IFTAP: variants seen among roughly 807,000 people sequenced by gnomAD.
IFTAP encodes intraflagellar transport associated protein.
A neutral mutation model predicts 19.4 loss-of-function variants in IFTAP; 19 were observed. The observed-to-expected ratio is 0.98, with a 90% CI of 0.68 to 1.44. The LOEUF is 1.44. Among genes scored for constraint, IFTAP ranks in the 40% most tolerant of loss-of-function variants. IFTAP has a pLI of 0.00. For synonymous variants in IFTAP, 85 were observed against 83.5 expected (o/e 1.02, Z -0.10); for missense variants, 240 against 253.6 (o/e 0.95, Z 0.36).
chr11:36,617,035 C>T (rs1852117159), intron 2 of IFTAP, among the ~76,000 whole-genome samples: 1 of 150,990 alleles, frequency 6.6e-6, no homozygotes, highest in Admixed American at 6.6e-5. Flanking sequence ...ATGCCATAAG[C>T]ATAAAACATA....
intron 5 of IFTAP, among the ~76,000 whole-genome samples, chr11:36,657,940 C>CT (rs1288122751): frequency 6.6e-6 from 1 of 152,186 alleles, no homozygotes; most frequent in Non-Finnish European, 1.5e-5. Flanking sequence ...TGATAAATGG[C>CT]TGAGCGTTTG....
At chr11:36,628,463 A>C (rs1223435487) in intron 2 of IFTAP, among the ~76,000 whole-genome samples, 1 of 151,124 alleles carries the variant, frequency 6.6e-6, no homozygotes, top group Non-Finnish European at 1.5e-5. Context: ...TTGTGTTTCT[A>C]TCTCTCTTAT....
chr11:36,600,827 G>A (rs769929647), intron 1 of IFTAP, among the ~76,000 whole-genome samples: 2 of 152,044 alleles, frequency 1.3e-5, no homozygotes, highest in Non-Finnish European at 2.9e-5. Context: ...ACTTAGTAAT[G>A]GGATATCCTG....
chr11:36,637,023 T>C (rs869207), intron 4 of IFTAP, among the ~76,000 whole-genome samples: 14,491 of 150,762 alleles, frequency 0.096, 844 homozygotes, highest in African/African-American at 0.15. Context: ...TCCACGGAGG[T>C]TTGGTTGTTG....
intron 5 of IFTAP, chr11:36,648,433 G>A (rs1400282787): frequency 1.2e-5 from 3 of 260,450 alleles, no homozygotes; most frequent in African/African-American, 2.2e-5. Context: ...TAGAAAGGAC[G>A]GACAGTTTTC....
chr11:36,658,221 A>G (rs1211823443), intron 5 of IFTAP, among the ~76,000 whole-genome samples: 1 of 152,206 alleles, frequency 6.6e-6, no homozygotes, highest in Non-Finnish European at 1.5e-5. Context: ...GGAGCTACAT[A>G]GAAGTACTGG....
At chr11:36,602,093 A>G (rs570996014) in intron 1 of IFTAP, among the ~76,000 whole-genome samples, 5 of 152,354 alleles carry the variant, frequency 3.3e-5, no homozygotes, top group East Asian at 3.9e-4. Context: ...CTGGGGAAGC[A>G]TTGTATTACC....
rs2133460445 is a variant in IFTAP, at chr11:36,634,952, AC to A, written c.292-1097del. On this transcript the variant is annotated intron_variant, in intron 3 of 5. Coordinates refer to ENST00000334307, the MANE Select transcript of IFTAP (RefSeq NM_138787.4). ...ATGACTCCAGTCCCCATTAGCATAC[AC>A]CACTAAGTAAATAACAATATAATAT... is the stretch of plus-strand genomic sequence containing the variant. Among the ~76,000 whole-genome samples, 2 of 151,622 alleles carry A rather than the reference AC, an allele frequency of 1.3e-5. 1 individual carries two copies. Among genetic ancestry groups the A allele is most frequent in the African/African-American group, 4.9e-5 (2 of 40,992 alleles).
At chr11:36,654,000 T>C (rs543708619) in intron 5 of IFTAP, among the ~76,000 whole-genome samples, 1 of 152,232 alleles carries the variant, frequency 6.6e-6, no homozygotes, top group African/African-American at 2.4e-5. Context: ...TTCCTATCCT[T>C]AACAAAATGA....
chr11:36,653,495 A>G (rs889644103), intron 5 of IFTAP, among the ~76,000 whole-genome samples: 14 of 152,204 alleles, frequency 9.2e-5, no homozygotes, highest in African/African-American at 3.1e-4. Context: ...GAAATAAATC[A>G]TAATTTCAGT....
At chr11:36,639,273 ACTT>A (rs1853096710) in intron 4 of IFTAP, among the ~76,000 whole-genome samples, 1 of 146,800 alleles carries the variant, frequency 6.8e-6, no homozygotes, top group Non-Finnish European at 1.5e-5. Context: ...TTTTTAATCT[ACTT>A]CTGAGATTCA....
chr11:36,604,935 A>G (rs1194402525), intron 1 of IFTAP, among the ~76,000 whole-genome samples: 1 of 151,440 alleles, frequency 6.6e-6, no homozygotes, highest in Non-Finnish European at 1.5e-5. Context: ...AAATTAGAGG[A>G]TGCAAAATTG....
intron 2 of IFTAP, among the ~76,000 whole-genome samples, chr11:36,630,788 G>C (rs542337236): frequency 6.6e-6 from 1 of 151,460 alleles, no homozygotes; most frequent in South Asian, 2.1e-4. Context: ...GGTTATACTT[G>C]ATTTAAAGGA....
chr11:36,611,257 G>A (rs1040567893), intron 2 of IFTAP, among the ~76,000 whole-genome samples: 5 of 151,938 alleles, frequency 3.3e-5, no homozygotes, highest in Non-Finnish European at 5.9e-5. Flanking sequence ...TCCTTTCTGG[G>A]TCATTGATCC....
chr11:36,616,986 C>A (rs905872407), intron 2 of IFTAP, among the ~76,000 whole-genome samples: 7 of 151,588 alleles, frequency 4.6e-5, no homozygotes, highest in African/African-American at 1.7e-4. Context: ...AAATACAGAT[C>A]AAGTATTTCT....
chr11:36,643,234 A>G (rs912220155), intron 4 of IFTAP, among the ~76,000 whole-genome samples: 7 of 152,188 alleles, frequency 4.6e-5, no homozygotes, highest in Non-Finnish European at 1.0e-4. Context: ...TCAAGAGTGA[A>G]CTCCCATTCA....
chr11:36,655,178 T>C (rs1385367054), intron 5 of IFTAP, among the ~76,000 whole-genome samples: 1 of 152,186 alleles, frequency 6.6e-6, no homozygotes, highest in Non-Finnish European at 1.5e-5. Flanking sequence ...CTTTGTGCTC[T>C]GACAATGCTC....
rs113355125 is a variant in IFTAP at position 36,632,028 on chromosome 11, G to A, written c.137-1256G>A. 3.4e-3 allele frequency among the ~76,000 whole-genome samples: 520 copies of A among 151,270 alleles called. 28 individuals are homozygous for A. Among genetic ancestry groups the A allele is most frequent in the African/African-American group, 0.012 (476 of 40,610 alleles). ...GCATTAATGCAGGAAGCAAGGCACA[G>A]TGGTTAGGAGGATAGGTTCTAGAGT... On this transcript the variant is annotated intron_variant, in intron 2 of 5. Coordinates refer to ENST00000334307, the MANE Select transcript of IFTAP (RefSeq NM_138787.4).
At chr11:36,615,659 G>A (rs1173982048) in intron 2 of IFTAP, among the ~76,000 whole-genome samples, 1 of 130,266 alleles carries the variant, frequency 7.7e-6, no homozygotes, top group African/African-American at 3.0e-5. Flanking sequence ...TGGATTCCTA[G>A]GTATTTTATT....
Sources: allele counts gnomAD v4.1 joint callset (sites outside exome capture counted in the v4.1 genomes callset), GRCh38; gene constraint gnomAD v4.1.1; transcripts MANE v1.5; gene names NCBI Gene and HGNC (gene_info 2026-07-23, HGNC 2026-07-21).